The following LPA variants were observed in gnomAD, a reference collection of about 807,000 sequenced individuals.
The protein encoded by LPA is apolipoprotein(a).
A neutral mutation model predicts 197.9 loss-of-function variants in LPA; 199 were observed. The ratio of observed to expected loss-of-function variants is 1.01; its 90% CI spans 0.90 to 1.13. The LOEUF is 1.13. Ranked by LOEUF, LPA falls within the 50% of genes most tolerant of loss-of-function variation. The pLI, the probability that LPA is intolerant of heterozygous loss-of-function variation, is 0.00. For missense variants in LPA, 1,853 were observed against 1,785.8 expected, an observed-to-expected ratio of 1.04 and a Z score of -0.68; for synonymous variants, 715 against 639.5, an observed-to-expected ratio of 1.12 and a Z score of -1.78.
At position 160,651,273 on chromosome 6, in the gene LPA, C is replaced by T. The variant is rs1038145605; in HGVS notation, c.50-776G>A. ...AGATTGAGCATTCATTAAGAAGAAA[C>T]AGCAGTTTCAATGGGGTTAGATTAT... On this transcript the variant is annotated intron_variant, in intron 1 of 38. Coordinates refer to ENST00000316300, the MANE Select transcript of LPA (RefSeq NM_005577.4). Among the ~76,000 whole-genome samples, 6 of 152,294 alleles carry T rather than the reference C, an allele frequency of 3.9e-5. No individual in the cohort carries two copies. The East Asian group carries it at 1.2e-3, about 29-fold the overall frequency.
chr6:160,610,511 G>T (rs1204807844), intron 16 of LPA, among the ~76,000 whole-genome samples: 1 of 152,132 alleles, frequency 6.6e-6, no homozygotes, highest in Admixed American at 6.5e-5. Flanking sequence ...AATTGAGCTT[G>T]CTGTTCTCTT....
At chr6:160,576,418 GTA>G (rs1173500008) in intron 28 of LPA, among the ~76,000 whole-genome samples, 7 of 24,990 alleles carry the variant, frequency 2.8e-4, no homozygotes, top group South Asian at 1.5e-3. Flanking sequence ...ATATATATGG[GTA>G]TATATATATA....
chr6:160,595,677 G>C (rs1307551680), intron 20 of LPA, 142 bp from the exon 21 acceptor site: 6 of 1,206,878 alleles, frequency 5.0e-6, no homozygotes, highest in Non-Finnish European at 5.9e-6. Flanking sequence ...TGCACAAATG[G>C]TCCTCAACTT....
intron 1 of LPA, among the ~76,000 whole-genome samples, chr6:160,657,840 C>T (rs1341083635): frequency 6.6e-6 from 1 of 152,178 alleles, no homozygotes; most frequent in Non-Finnish European, 1.5e-5. Flanking sequence ...ATTCCCATGC[C>T]TGTTCTCCAG....
intron 33 of LPA, among the ~76,000 whole-genome samples, chr6:160,544,338 T>A (rs1778029518): frequency 6.6e-6 from 1 of 151,984 alleles, no homozygotes; most frequent in South Asian, 2.1e-4. Flanking sequence ...AAGATGCTTC[T>A]GCAATAGCAC....
chr6:160,557,654 A>G lies in LPA; in HGVS notation c.4632-83T>C, dbSNP rs149526393. ...AGCGCTGTCTAAACTTTGTTATAACAAAGTGTTAAAAAGTGACGTTGTAAT... is the reference window on the plus strand; with the variant it reads ...AGCGCTGTCTAAACTTTGTTATAACGAAGTGTTAAAAAGTGACGTTGTAAT... On this transcript the variant is annotated intron_variant, in intron 28 of 38. Coordinates refer to ENST00000316300, the MANE Select transcript of LPA (RefSeq NM_005577.4). The G allele has an allele frequency of 2.9e-3, 3,394 of 1,162,432 alleles. 9 individuals are homozygous for G. Among genetic ancestry groups the G allele is most frequent in the Middle Eastern group, 7.7e-3 (40 of 5,186 alleles). The allele number at this position is 1,162,432 out of a possible 1,614,324, so 72.0% of individuals were successfully genotyped here.
chr6:160,608,179 G>C (rs1258376969), intron 16 of LPA, among the ~76,000 whole-genome samples: 2 of 152,062 alleles, frequency 1.3e-5, no homozygotes, highest in African/African-American at 4.8e-5. Flanking sequence ...CATTACATGG[G>C]CTGCAGAAAG....
intron 1 of LPA, among the ~76,000 whole-genome samples, chr6:160,651,472 C>T (rs1454659014): frequency 6.6e-6 from 1 of 152,200 alleles, no homozygotes; most frequent in South Asian, 2.1e-4. Context: ...ATAAAAGCAA[C>T]AAGCACAAAT....
chr6:160,606,875 T>G (rs577472211), intron 16 of LPA, among the ~76,000 whole-genome samples: 14 of 152,280 alleles, frequency 9.2e-5, no homozygotes, highest in Admixed American at 2.6e-4. Flanking sequence ...AAAAAAAATC[T>G]AAAGTAGCAA....
intron 26 of LPA, among the ~76,000 whole-genome samples, chr6:160,580,362 G>T (rs1778770221): frequency 6.6e-6 from 1 of 152,112 alleles, no homozygotes; most frequent in African/African-American, 2.4e-5. Flanking sequence ...ACATAAAGCT[G>T]CTATGAATAT....
intron 29 of LPA, among the ~76,000 whole-genome samples, chr6:160,556,978 T>C (rs1347933570): frequency 6.6e-6 from 1 of 152,142 alleles, no homozygotes; most frequent in Non-Finnish European, 1.5e-5. Context: ...CATATTAGGT[T>C]TCCCCAGGAT....
chr6:160,547,886 A>T lies in LPA; in HGVS notation c.5207T>A (p.Val1736Asp). ...CCATTCCTGGCATGGCGTCCCAGTAACAGTGGTTGCCTTCTTGCCCCGGTA... is the reference window on the plus strand; with the variant it reads ...CCATTCCTGGCATGGCGTCCCAGTATCAGTGGTTGCCTTCTTGCCCCGGTA... The part of the protein sequence containing the change: ...KGYRGKKATT[V>D]TGTPCQEWAA... Residue 1736 changes from valine (V) to aspartate (D), a missense_variant, in exon 32 of 39, where the codon GTT becomes GAT. Val to Asp is a radical substitution (Grantham distance 152, BLOSUM62 -3). Around this residue, in one of 3 missense-constraint regions of LPA, gnomAD observed 1,737 missense variants for 1,504.4 expected, o/e 1.15. Transcript: ENST00000316300. 1 of 1,614,098 alleles carries T rather than the reference A, an allele frequency of 6.2e-7. No homozygotes were observed. Among genetic ancestry groups the T allele is most frequent in the Non-Finnish European group, 8.5e-7 (1 of 1,180,000 alleles).
At chr6:160,558,983 G>T (rs1004295949) in intron 28 of LPA, among the ~76,000 whole-genome samples, 5 of 152,218 alleles carry the variant, frequency 3.3e-5, no homozygotes, top group Admixed American at 6.5e-5. Flanking sequence ...GTGCTAAAAG[G>T]CTGAGCGTTT....
intron 30 of LPA, among the ~76,000 whole-genome samples, chr6:160,555,327 G>A (rs79776968): frequency 2.2e-5 from 3 of 138,598 alleles, no homozygotes; most frequent in Non-Finnish European, 4.6e-5. Context: ...GTGTGTATGT[G>A]TGTGTGTCCT....
intron 2 of LPA, 49 bp downstream of exon 2, chr6:160,650,289 C>T (rs774029483): frequency 1.9e-6 from 3 of 1,603,854 alleles, no homozygotes; most frequent in Non-Finnish European, 2.6e-6. Flanking sequence ...TTTTCTAAGA[C>T]AAATTTTACT....
intron 2 of LPA, among the ~76,000 whole-genome samples, chr6:160,647,363 T>C (rs745788426): frequency 2.6e-4 from 40 of 152,286 alleles, no homozygotes; most frequent in Admixed American, 6.5e-4. Context: ...CTCCAACCTC[T>C]CAGTATCCTC....
At chr6:160,535,080 T>C (rs1015833668) in intron 37 of LPA, among the ~76,000 whole-genome samples, 11 of 139,378 alleles carry the variant, frequency 7.9e-5, no homozygotes, top group African/African-American at 2.4e-4. Flanking sequence ...ACAGTGATCA[T>C]TGTGATGATG....
intron 1 of LPA, among the ~76,000 whole-genome samples, chr6:160,654,019 TA>T (rs371737898): frequency 0.038 from 340 of 8,954 alleles, 22 homozygotes; most frequent in Non-Finnish European, 0.057. Flanking sequence ...ATATTATATA[TA>T]ATATATAATA....
Position 160,541,153 on chromosome 6 carries a change from A to G in LPA, c.5548T>C (p.Leu1850=), listed in dbSNP as rs200086599. 4,556 of 1,614,070 alleles carry G rather than the reference A, an allele frequency of 2.8e-3. 8 individuals are homozygous for G. Among genetic ancestry groups the G allele is most frequent in the Middle Eastern group, 7.4e-3 (45 of 6,062 alleles). ...RFGKHFCGGT[L]ISPEWVLTAA... ...GTCAGCACCCACTCTGGGGATATTAAGGTGCCTCCACAGAAGTGCTTTCCA... is the reference window on the plus strand; with the variant it reads ...GTCAGCACCCACTCTGGGGATATTAGGGTGCCTCCACAGAAGTGCTTTCCA... Residue 1850 remains leucine, a synonymous_variant, in exon 35 of 39, where the codon TTA becomes CTA. Coordinates refer to ENST00000316300, the MANE Select transcript of LPA (RefSeq NM_005577.4).
Sources: gnomAD v4.1 joint callset for allele counts (sites outside exome capture counted in the v4.1 genomes callset) on GRCh38, gnomAD v4.1.1 for gene constraint, gnomAD v4.1.1 regional missense constraint, MANE v1.5 for transcripts, NCBI Gene and HGNC (gene_info 2026-07-23, HGNC 2026-07-21) for gene names.